Variants in C6 observed in about 807,000 individuals in gnomAD.
C6 encodes complement component C6.
C6 carries 101 observed loss-of-function variants against 112.9 expected under a neutral mutation model. The ratio of observed to expected loss-of-function variants is 0.89; its 90% CI spans 0.76 to 1.06. The LOEUF (loss-of-function observed/expected upper bound fraction) is 1.06, where lower values mean the gene tolerates loss of function less well. Among genes scored for constraint, C6 ranks in the 50% least tolerant of loss-of-function variants. The pLI is 0.00. For synonymous variants in C6, 431 were observed against 384.1 expected (o/e 1.12, Z -1.43); for missense variants, 1,202 against 1,104.6 (o/e 1.09, Z -1.25).
At position 41,142,806 on chromosome 5, in the gene C6, G is replaced by T. The variant is rs1745468505; in HGVS notation, c.*19C>A. On this transcript the variant is annotated 3_prime_UTR_variant, in exon 18 of 18. Coordinates refer to ENST00000337836, the MANE Select transcript of C6 (RefSeq NM_000065.5). ...GGATGGTAAATCTGTTCATTGTGCT[G>T]GGCCTAGCAGTAATTGTGCTAGGCC... 4 of 1,588,002 alleles carry T rather than the reference G, an allele frequency of 2.5e-6. No homozygotes were observed. The highest frequency in any genetic ancestry group is 1.3e-5 in the African/African-American group (1 of 74,400).
intron 13 of C6, among the ~76,000 whole-genome samples, chr5:41,157,089 A>G (rs944952210): frequency 1.3e-5 from 2 of 152,208 alleles, no homozygotes; most frequent in Admixed American, 6.5e-5. Flanking sequence ...GCCACTAGAA[A>G]TTCCAGAAGA....
At chr5:41,251,722 C>G (rs1473665713) in intron 1 of C6, among the ~76,000 whole-genome samples, 1 of 152,188 alleles carries the variant, frequency 6.6e-6, no homozygotes, top group African/African-American at 2.4e-5. Context: ...TGCAAATGCT[C>G]TTCTTGAAGC....
chr5:41,244,801 A>AT (rs34651470), intron 1 of C6, among the ~76,000 whole-genome samples: 1,531 of 152,292 alleles, frequency 0.01, 33 homozygotes, highest in African/African-American at 0.035. Context: ...TGTAGAAAGG[A>AT]TCAGGATATT....
chr5:41,183,017 C>T (rs375628896), intron 6 of C6, among the ~76,000 whole-genome samples: 24 of 152,344 alleles, frequency 1.6e-4, no homozygotes, highest in African/African-American at 5.0e-4. Flanking sequence ...ACCCAGTGAT[C>T]TGTTAGTAAA....
chr5:41,173,833 T>C (rs1359166321), intron 8 of C6, among the ~76,000 whole-genome samples: 1 of 152,152 alleles, frequency 6.6e-6, no homozygotes, highest in Admixed American at 6.6e-5. Context: ...AATTCTTGGT[T>C]TGAAGCCCTC....
At chr5:41,260,364 C>T (rs1024700292) in intron 1 of C6, among the ~76,000 whole-genome samples, 11 of 151,836 alleles carry the variant, frequency 7.2e-5, no homozygotes, top group South Asian at 2.1e-4. Flanking sequence ...CTTTCAAACA[C>T]GTTATATCAA....
At chr5:41,235,044 C>A (rs1464829794) in intron 1 of C6, among the ~76,000 whole-genome samples, 1 of 146,074 alleles carries the variant, frequency 6.8e-6, no homozygotes, top group Non-Finnish European at 1.5e-5. Context: ...AAGTCCAAGT[C>A]CTACATTCTC....
chr5:41,172,249 T>G lies in C6; in HGVS notation c.1267A>C (p.Asn423His), dbSNP rs758823967. Reference sequence around the variant, plus strand: ...CCTTCATGTTTCTCTGACAGCTTGTTGGTGGTGCACCTATGTTCCACTTTT... The same window carrying G: ...CCTTCATGTTTCTCTGACAGCTTGTGGGTGGTGCACCTATGTTCCACTTTT... ...KTKVEHRCTT[N>H]KLSEKHEGSF... The change falls in exon 9 of 18, where the codon AAC (asparagine) becomes CAC (histidine). Residue 423 changes from asparagine to histidine, a missense_variant. Asn to His is a moderately conservative substitution (Grantham distance 68). Transcript: ENST00000337836. The G allele has an allele frequency of 6.2e-6, 10 of 1,613,716 alleles. No individual in the cohort carries two copies. The East Asian group carries it at 1.8e-4, about 29-fold the overall frequency.
chr5:41,203,238 G>GGCTCTCA lies in C6; in HGVS notation c.-9_-8insTGAGAGC. ...GACAGAGCGTCTGGCCATGCCTTGA[G>GGCTCTCA]AGCCTCCAGGCCCTAAAATGAAAGA... On this transcript the variant is annotated 5_prime_UTR_variant, in exon 2 of 18. Transcript: ENST00000337836. 1 of 1,614,066 alleles carries GGCTCTCA rather than the reference G, an allele frequency of 6.2e-7. No homozygotes were observed. Among genetic ancestry groups the GGCTCTCA allele is most frequent in the East Asian group, 2.2e-5 (1 of 44,876 alleles).
In C6 at chr5:41,213,356, G is replaced by T; in HGVS notation, c.-21+20C>A. 1.8e-5 allele frequency: 17 copies of T among 942,292 alleles called. No homozygotes were observed. The highest frequency in any genetic ancestry group is 2.1e-5 in the Non-Finnish European group (17 of 790,802). 58.4% of individuals were successfully genotyped at this position (942,292 alleles called of 1,614,324 possible). A position where few individuals can be genotyped will look rare whatever the true frequency, so the allele number is the denominator to read the frequency against. Reference sequence around the variant, plus strand: ...ATTTTGAAATATTAAGATTGAAAATGAAATCATCATATTACTCACCTTTAA... The same window carrying T: ...ATTTTGAAATATTAAGATTGAAAATTAAATCATCATATTACTCACCTTTAA... On this transcript the variant is annotated intron_variant, in intron 1 of 17. Transcript: ENST00000337836.
At chr5:41,184,905 T>A (rs544873726) in intron 6 of C6, among the ~76,000 whole-genome samples, 2 of 152,318 alleles carry the variant, frequency 1.3e-5, no homozygotes, top group East Asian at 3.9e-4. Flanking sequence ...GAGTATGAAG[T>A]GTTATCTAAG....
chr5:41,259,517 CAAA>C (rs56168478), intron 1 of C6, among the ~76,000 whole-genome samples: 4,257 of 143,072 alleles, frequency 0.03, 191 homozygotes, highest in African/African-American at 0.095. Flanking sequence ...CTGAAATTAC[CAAA>C]AAAAAAAAAA....
At chr5:41,246,886 C>T (rs1741054333) in intron 1 of C6, among the ~76,000 whole-genome samples, 1 of 152,008 alleles carries the variant, frequency 6.6e-6, no homozygotes, top group Non-Finnish European at 1.5e-5. Context: ...GGGAGTAATT[C>T]AGTAAAATAT....
intron 1 of C6, among the ~76,000 whole-genome samples, chr5:41,257,577 A>G (rs1741797871): frequency 1.3e-5 from 2 of 152,178 alleles, no homozygotes. Context: ...CACTTGATGA[A>G]TAAAGTGTTT....
chr5:41,194,081 C>T (rs1750428036), intron 5 of C6, among the ~76,000 whole-genome samples: 1 of 152,072 alleles, frequency 6.6e-6, no homozygotes, highest in South Asian at 2.1e-4. Context: ...TCTAGATCAA[C>T]TGAACAAAAG....
intron 8 of C6, among the ~76,000 whole-genome samples, chr5:41,175,653 C>A (rs1748779453): frequency 6.6e-6 from 1 of 152,214 alleles, no homozygotes; most frequent in Non-Finnish European, 1.5e-5. Flanking sequence ...GAGGATTATA[C>A]TCATCAAGTG....
chr5:41,205,750 G>A (rs939100712), intron 1 of C6, among the ~76,000 whole-genome samples: 1 of 152,208 alleles, frequency 6.6e-6, no homozygotes, highest in Non-Finnish European at 1.5e-5. Context: ...GCCCACCACA[G>A]CTCAAGGAGG....
intron 9 of C6, among the ~76,000 whole-genome samples, chr5:41,162,766 C>T (rs1166053661): frequency 6.6e-6 from 1 of 152,192 alleles, no homozygotes; most frequent in Non-Finnish European, 1.5e-5. Context: ...ATGGATGCAA[C>T]TGTCTTCCTA....
At chr5:41,211,648 C>T (rs1160026315) in intron 1 of C6, among the ~76,000 whole-genome samples, 2 of 152,066 alleles carry the variant, frequency 1.3e-5, no homozygotes, top group African/African-American at 4.8e-5. Context: ...TACCCTTCAC[C>T]CTTGCCCCCC....
Sources: gnomAD v4.1 joint callset for allele counts (sites outside exome capture counted in the v4.1 genomes callset) on GRCh38, gnomAD v4.1.1 for gene constraint, MANE v1.5 for transcripts, NCBI Gene and HGNC (gene_info 2026-07-23, HGNC 2026-07-21) for gene names.